FHIP1A: variants seen among roughly 807,000 people sequenced by gnomAD.
FHIP1A encodes FHF complex subunit HOOK interacting protein 1A.
FHIP1A carries 61 observed loss-of-function variants against 88.6 expected under a neutral mutation model. The observed-to-expected ratio is 0.69, with a 90% CI of 0.56 to 0.85. The LOEUF (loss-of-function observed/expected upper bound fraction) is 0.85. Among genes scored for constraint, FHIP1A ranks in the 40% least tolerant of loss-of-function variants. The pLI, the probability that FHIP1A is intolerant of heterozygous loss-of-function variation, is 0.00. For missense variants in FHIP1A, 1,154 were observed against 1,273.5 expected, an observed-to-expected ratio of 0.91 and a Z score of 1.43; for synonymous variants, 478 against 496.0, an observed-to-expected ratio of 0.96 and a Z score of 0.48.
intron 7 of FHIP1A, among the ~76,000 whole-genome samples, chr4:151,600,631 T>G (rs995669125): frequency 2.0e-5 from 3 of 152,136 alleles, no homozygotes; most frequent in African/African-American, 7.2e-5. Flanking sequence ...CAGAACATGG[T>G]GGGGACAGCT....
intron 3 of FHIP1A, among the ~76,000 whole-genome samples, chr4:151,552,231 CTG>C (rs1732766438): frequency 6.6e-6 from 1 of 152,140 alleles, no homozygotes; most frequent in African/African-American, 2.4e-5. Flanking sequence ...GTTGGTGGGA[CTG>C]TAAACTAGTT....
At chr4:151,454,431 G>A (rs1259105567) in intron 1 of FHIP1A, among the ~76,000 whole-genome samples, 5 of 152,154 alleles carry the variant, frequency 3.3e-5, no homozygotes, top group African/African-American at 1.2e-4. Flanking sequence ...TTCCACTACA[G>A]AGACTCTGAA....
At chr4:151,507,124 C>T (rs1730862395) in intron 3 of FHIP1A, among the ~76,000 whole-genome samples, 3 of 151,754 alleles carry the variant, frequency 2.0e-5, no homozygotes, top group Admixed American at 2.0e-4. Context: ...CTTTCCCCTG[C>T]CCCCCCACTT....
chr4:151,609,818 C>T (rs1014551557), intron 7 of FHIP1A, among the ~76,000 whole-genome samples: 3 of 152,134 alleles, frequency 2.0e-5, no homozygotes, highest in Non-Finnish European at 4.4e-5. Flanking sequence ...ATCACCTTGG[C>T]CTACAGCCAA....
intron 3 of FHIP1A, among the ~76,000 whole-genome samples, chr4:151,543,576 T>TA (rs1732377370): frequency 6.6e-6 from 1 of 152,260 alleles, no homozygotes; most frequent in African/African-American, 2.4e-5. Context: ...TTCCTGAACT[T>TA]ATTTGTAAAT....
intron 3 of FHIP1A, among the ~76,000 whole-genome samples, chr4:151,509,759 T>TG (rs1730961550): frequency 1.4e-5 from 2 of 147,022 alleles, no homozygotes; most frequent in African/African-American, 5.0e-5. Flanking sequence ...GTCTCTATGT[T>TG]TGTGTGTGTG....
At chr4:151,523,604 GT>G (rs1560747020) in intron 3 of FHIP1A, among the ~76,000 whole-genome samples, 1 of 152,144 alleles carries the variant, frequency 6.6e-6, no homozygotes, top group Non-Finnish European at 1.5e-5. Context: ...GCTCTTAGGG[GT>G]TGGGAGCACA....
chr4:151,568,073 T>C (rs72728187), intron 4 of FHIP1A, among the ~76,000 whole-genome samples: 3 of 152,344 alleles, frequency 2.0e-5, no homozygotes, highest in Non-Finnish European at 4.4e-5. Flanking sequence ...CCCTGTCAGA[T>C]TCTGTCCCAG....
chr4:151,446,864 C>T (rs762943772), intron 1 of FHIP1A, among the ~76,000 whole-genome samples: 3 of 152,126 alleles, frequency 2.0e-5, no homozygotes, highest in Admixed American at 6.6e-5. Flanking sequence ...TATCAGTCCA[C>T]AGGCTGGCCA....
At chr4:151,644,654 C>A (rs1020654285) in intron 9 of FHIP1A, among the ~76,000 whole-genome samples, 1 of 152,170 alleles carries the variant, frequency 6.6e-6, no homozygotes, top group African/African-American at 2.4e-5. Flanking sequence ...ACCCCACCCC[C>A]AAATAAGGAG....
intron 3 of FHIP1A, among the ~76,000 whole-genome samples, chr4:151,525,292 A>G (rs947649796): frequency 1.3e-5 from 2 of 152,198 alleles, no homozygotes; most frequent in Non-Finnish European, 2.9e-5. Context: ...ACATGGCTAA[A>G]CCAGGCTGCA....
intron 1 of FHIP1A, among the ~76,000 whole-genome samples, chr4:151,449,895 G>A (rs1448374910): frequency 6.6e-6 from 1 of 152,054 alleles, no homozygotes; most frequent in Non-Finnish European, 1.5e-5. Flanking sequence ...TTAAACTTGA[G>A]TTTTTCTGTG....
Position 151,662,521 on chromosome 4 carries a change from A to G in FHIP1A, c.2890A>G (p.Arg964Gly), listed in dbSNP as rs558029909. Residue 964 changes from arginine to glycine, a missense_variant, in exon 14 of 14, where the codon AGG becomes GGG. Transcript: ENST00000435205. ...TTCAGATCCCATTCAGGAGGCTTCC[A>G]GGACAGGAAGTGGCAAGAACCTTTT... ...LTKDPIQEAS[R>G]TGSGKNLLDG... 186 of 1,541,054 alleles carry G rather than the reference A, an allele frequency of 1.2e-4. No individual in the cohort carries two copies. In the African/African-American group the frequency reaches 1.6e-3, roughly 13 times the overall value.
At position 151,665,415 on chromosome 4, in the gene FHIP1A, G is replaced by A. The variant is rs1436014715; in HGVS notation, c.*2661G>A. 6.6e-6 allele frequency among the ~76,000 whole-genome samples: 1 copy of A among 152,200 alleles called. No homozygotes were observed. The highest frequency in any genetic ancestry group is 1.5e-5 in the Non-Finnish European group (1 of 68,044). On this transcript the variant is annotated 3_prime_UTR_variant, in exon 14 of 14. Transcript: ENST00000435205. ...ACTTCCTATTTGGATTTGGAAACTG[G>A]TTCCTGTTTCTGAATCCATTACAGT...
intron 3 of FHIP1A, among the ~76,000 whole-genome samples, chr4:151,509,890 A>G (rs1012055854): frequency 3.9e-5 from 6 of 152,090 alleles, no homozygotes; most frequent in Admixed American, 2.6e-4. Context: ...GGAATGATTT[A>G]TCTTTCTTTG....
At chr4:151,529,919 A>G (rs1731809884) in intron 3 of FHIP1A, among the ~76,000 whole-genome samples, 1 of 152,170 alleles carries the variant, frequency 6.6e-6, no homozygotes, top group Non-Finnish European at 1.5e-5. Flanking sequence ...GTGGGGCCAT[A>G]TTGAAACTTC....
chr4:151,654,102 A>T (rs1228495283), intron 11 of FHIP1A, among the ~76,000 whole-genome samples: 1 of 151,542 alleles, frequency 6.6e-6, no homozygotes, highest in African/African-American at 2.4e-5. Flanking sequence ...CTAGAAACTA[A>T]GAATAAAGTA....
rs1004404642 is a variant in FHIP1A at position 151,646,759 on chromosome 4, G to T, written c.1417+11G>T. On this transcript the variant is annotated intron_variant, in intron 10 of 13. Coordinates refer to ENST00000435205, the MANE Select transcript of FHIP1A (RefSeq NM_001109977.3). Reference sequence around the variant, plus strand: ...TGCATGACACTTCAGGTAGGAACTCGCTAGTGATGATCTTTAAACAAAAGG... The same window carrying T: ...TGCATGACACTTCAGGTAGGAACTCTCTAGTGATGATCTTTAAACAAAAGG... 2 of 1,527,038 alleles carry T rather than the reference G, an allele frequency of 1.3e-6. No individual in the cohort carries two copies. The highest frequency in any genetic ancestry group is 8.9e-7 in the Non-Finnish European group (1 of 1,129,028). The allele number at this position is 1,527,038 out of a possible 1,614,324, so 94.6% of individuals were successfully genotyped here. A position where few individuals can be genotyped will look rare whatever the true frequency, so the allele number is the denominator to read the frequency against.
intron 7 of FHIP1A, among the ~76,000 whole-genome samples, chr4:151,612,883 T>C (rs1191141010): frequency 2.0e-5 from 3 of 152,194 alleles, no homozygotes; most frequent in African/African-American, 7.2e-5. Flanking sequence ...AGAGTGGCAG[T>C]AGCAGCACAG....
Sources: allele counts gnomAD v4.1 joint callset (sites outside exome capture counted in the v4.1 genomes callset), GRCh38; gene constraint gnomAD v4.1.1; transcripts MANE v1.5; gene names NCBI Gene and HGNC (gene_info 2026-07-23, HGNC 2026-07-21).